RNLS: variants seen among roughly 807,000 people sequenced by gnomAD.
RNLS encodes renalase, FAD dependent amine oxidase.
Under a neutral mutation model 39.8 loss-of-function variants are expected in RNLS, and 39 were observed. The ratio of observed to expected loss-of-function variants is 0.98; its 90% CI spans 0.76 to 1.28. The LOEUF is 1.28. Ranked by LOEUF, RNLS falls within the 50% of genes most tolerant of loss-of-function variation. RNLS has a pLI of 0.00. For missense variants in RNLS, 410 were observed against 413.3 expected (o/e 0.99, Z 0.07); for synonymous variants, 147 against 150.7 (o/e 0.98, Z 0.18).
At chr10:88,401,895 T>C (rs1175660321) in intron 4 of RNLS, among the ~76,000 whole-genome samples, 2 of 152,032 alleles carry the variant, frequency 1.3e-5, no homozygotes, top group Admixed American at 6.6e-5. Context: ...TAAGGTCTTA[T>C]GGTGCTAGAT....
In RNLS at chr10:88,332,367, C is replaced by T. The variant is rs369232189; in HGVS notation, c.701-17726G>A. Among the ~76,000 whole-genome samples the T allele has an allele frequency of 1.7e-4, 26 of 152,350 alleles. 1 individual carries two copies. The highest frequency in any genetic ancestry group is 1.2e-3 in the Admixed American group (18 of 15,300). ...TTCTGAAATGATGGCATGGGCCATG[C>T]GGAGAAAAGATGGTTTTACTCACAG... On this transcript the variant is annotated intron_variant, in intron 5 of 6. Coordinates refer to ENST00000331772, the MANE Select transcript of RNLS (RefSeq NM_001031709.3).
In RNLS at chr10:88,583,216, T is replaced by C. The variant is rs551138840; in HGVS notation, c.-26A>G. ...GGCGAGAGGGAGCAGCGATCCGCGC[T>C]GAGTCTCTGCGGCGGGGCCGTTCGG... On this transcript the variant is annotated 5_prime_UTR_variant, in exon 1 of 7. Coordinates refer to ENST00000331772, the MANE Select transcript of RNLS (RefSeq NM_001031709.3). The C allele has an allele frequency of 1.9e-5, 31 of 1,612,610 alleles. No homozygotes were observed. The Admixed American group carries it at 3.2e-4, about 16-fold the overall frequency.
intron 4 of RNLS, among the ~76,000 whole-genome samples, chr10:88,450,479 T>C (rs1322122708): frequency 6.6e-6 from 1 of 152,138 alleles, no homozygotes; most frequent in Non-Finnish European, 1.5e-5. Flanking sequence ...GCTGAGAGGT[T>C]TTCTGTTTCC....
chr10:88,533,774 G>A (rs1847578283), intron 4 of RNLS, among the ~76,000 whole-genome samples: 2 of 152,076 alleles, frequency 1.3e-5, no homozygotes, highest in African/African-American at 4.8e-5. Context: ...CAGGTTTGGT[G>A]AGGACAGTGA....
intron 4 of RNLS, among the ~76,000 whole-genome samples, chr10:88,442,790 G>A (rs1015862848): frequency 2.0e-5 from 3 of 151,878 alleles, no homozygotes; most frequent in East Asian, 1.9e-4. Context: ...TTGCCCACAC[G>A]CCTGCTGTCA....
chr10:88,488,060 G>A (rs1338980301), intron 4 of RNLS, among the ~76,000 whole-genome samples: 2 of 152,144 alleles, frequency 1.3e-5, no homozygotes, highest in African/African-American at 4.8e-5. Flanking sequence ...GTGGTTACCT[G>A]AGGATGCAAG....
intron 5 of RNLS, among the ~76,000 whole-genome samples, chr10:88,355,981 G>C (rs111624315): frequency 0.067 from 10,213 of 152,318 alleles, 489 homozygotes; most frequent in Admixed American, 0.13. Flanking sequence ...GGCAACGAGA[G>C]ATGAGCAAGG....
intron 4 of RNLS, among the ~76,000 whole-genome samples, chr10:88,483,189 T>C (rs1407702819): frequency 6.6e-6 from 1 of 152,144 alleles, no homozygotes; most frequent in Non-Finnish European, 1.5e-5. Flanking sequence ...TTAGCAGTTT[T>C]TCAAGGATAA....
intron 4 of RNLS, among the ~76,000 whole-genome samples, chr10:88,365,516 AACACACACAC>A (rs61386966): frequency 0.38 from 55,964 of 145,772 alleles, 11,049 homozygotes; most frequent in East Asian, 0.67. Context: ...AGGATTATAT[AACACACACAC>A]ACACACACAC....
At chr10:88,508,274 T>G (rs2134140241) in intron 4 of RNLS, among the ~76,000 whole-genome samples, 1 of 152,272 alleles carries the variant, frequency 6.6e-6, no homozygotes, top group African/African-American at 2.4e-5. Flanking sequence ...GACAGATCTG[T>G]GTTTGAATAA....
intron 4 of RNLS, among the ~76,000 whole-genome samples, chr10:88,394,375 T>C (rs940497570): frequency 2.6e-5 from 4 of 151,992 alleles, no homozygotes; most frequent in Non-Finnish European, 4.4e-5. Context: ...CATCAAAAAG[T>C]GGGCAAAGGA....
At chr10:88,413,226 A>G (rs970573795) in intron 4 of RNLS, among the ~76,000 whole-genome samples, 3 of 152,054 alleles carry the variant, frequency 2.0e-5, no homozygotes, top group Non-Finnish European at 2.9e-5. Flanking sequence ...ATCTTTTCTT[A>G]TGCTCTGCTC....
At chr10:88,205,396 G>C in the RNLS span, among the ~76,000 whole-genome samples, 1 of 152,088 alleles carries the variant, frequency 6.6e-6, no homozygotes, top group African/African-American at 2.4e-5. Flanking sequence ...CGACACAGAG[G>C]ACACCCTTAA....
rs749782927 is a variant in RNLS, at chr10:88,581,541, T to A, written c.367+26A>T. On this transcript the variant is annotated intron_variant, in intron 3 of 6. Transcript: ENST00000331772. The stretch of plus-strand genomic sequence containing the variant: ...TGTTTTTAAATGCTAATTTTAAAAT[T>A]TAGGCAGAGAAAATCTTACTCCCAC... The A allele has an allele frequency of 5.1e-6, 8 of 1,571,648 alleles. 1 individual carries two copies. The South Asian group carries it at 9.6e-5, about 19-fold the overall frequency.
chr10:88,189,574 A>G, the RNLS span, among the ~76,000 whole-genome samples: 1 of 152,210 alleles, frequency 6.6e-6, no homozygotes, highest in Non-Finnish European at 1.5e-5. Context: ...TTTAGGCTGC[A>G]TGGGACGCTT....
At chr10:88,355,748 G>T (rs1264245482) in intron 5 of RNLS, among the ~76,000 whole-genome samples, 1 of 152,206 alleles carries the variant, frequency 6.6e-6, no homozygotes, top group Non-Finnish European at 1.5e-5. Context: ...CTGTCAGGCA[G>T]GGACATTTAA....
At chr10:88,573,759 T>A (rs980130666) in intron 3 of RNLS, among the ~76,000 whole-genome samples, 2 of 152,238 alleles carry the variant, frequency 1.3e-5, no homozygotes, top group African/African-American at 4.8e-5. Flanking sequence ...GTAAGGCCCA[T>A]GAGCTACAAA....
Position 88,446,030 on chromosome 10 carries a change from C to G in RNLS, c.527-83305G>C, listed in dbSNP as rs572948654. Among the ~76,000 whole-genome samples, 5 of 152,282 alleles carry G rather than the reference C, an allele frequency of 3.3e-5. No homozygotes were observed. The South Asian group carries it at 8.3e-4, about 25-fold the overall frequency. On this transcript the variant is annotated intron_variant, in intron 4 of 6. Transcript: ENST00000331772. ...ATATACATTCTTCTCAGCACCACAT[C>G]GCACTTATTCCAAAATTGACCACAT...
At chr10:88,187,178 AATATATATAATATATATAAT>A in the RNLS span, among the ~76,000 whole-genome samples, 104,951 of 127,246 alleles carry the variant, frequency 0.82, 45,142 homozygotes, top group Middle Eastern at 0.85. Flanking sequence ...ATATATATAT[AATATATATAATATATATAAT>A]ATATATATAA....
Sources: allele counts gnomAD v4.1 joint callset (sites outside exome capture counted in the v4.1 genomes callset), GRCh38; gene constraint gnomAD v4.1.1; transcripts MANE v1.5; gene names NCBI Gene and HGNC (gene_info 2026-07-23, HGNC 2026-07-21).